PSMA1: variants seen among roughly 807,000 people sequenced by gnomAD.
PSMA1 encodes proteasome 20S subunit alpha 1.
Under a neutral mutation model 38.4 loss-of-function variants are expected in PSMA1, and 3 were observed. That is an observed-to-expected ratio of 0.08 (90% CI 0.04 to 0.20). The LOEUF is 0.20. Ranked by LOEUF, PSMA1 falls within the 10% of genes least tolerant of loss-of-function variation. The probability of loss-of-function intolerance (pLI) is 1.00; values close to 1 mark genes in which losing one functional copy is unlikely to be tolerated. For missense variants in PSMA1, 227 were observed against 325.3 expected, an observed-to-expected ratio of 0.70 and a Z score of 2.32; for synonymous variants, 101 against 107.1, an observed-to-expected ratio of 0.94 and a Z score of 0.35.
intron 2 of PSMA1, among the ~76,000 whole-genome samples, chr11:14,537,785 T>C (rs1455700705): frequency 6.6e-6 from 1 of 150,908 alleles, no homozygotes; most frequent in East Asian, 2.0e-4. Context: ...CTCAGCTCCC[T>C]GCAACTTCCA....
chr11:14,633,456 CA>C (rs1171434488), intron 1 of PSMA1, among the ~76,000 whole-genome samples: 3 of 151,942 alleles, frequency 2.0e-5, no homozygotes, highest in Admixed American at 6.6e-5. Context: ...GCTCGGGGGT[CA>C]GGGGTCAGGG....
chr11:14,547,587 A>G lies in PSMA1; in HGVS notation c.22-28546T>C, dbSNP rs575527986. Among the ~76,000 whole-genome samples, 4 of 152,258 alleles carry G rather than the reference A, an allele frequency of 2.6e-5. No individual in the cohort carries two copies. In the South Asian group the frequency reaches 8.3e-4, roughly 32 times the overall value. ...AGGGTCCAGAGCAAAATCATCATTCAGGATTCCAAGCCAAAGCAAGGTCAT... is the reference window on the plus strand; with the variant it reads ...AGGGTCCAGAGCAAAATCATCATTCGGGATTCCAAGCCAAAGCAAGGTCAT... On this transcript the variant is annotated intron_variant, in intron 2 of 10. Transcript: ENST00000418988.
intron 1 of PSMA1, among the ~76,000 whole-genome samples, chr11:14,637,262 G>C (rs1853122066): frequency 6.6e-6 from 1 of 152,084 alleles, no homozygotes; most frequent in Non-Finnish European, 1.5e-5. Context: ...ACTGTTCTTT[G>C]TATGGAATAC....
At chr11:14,518,050 A>C (rs555669735) in intron 2 of PSMA1, 69 bp from the exon 3 acceptor site, 2 of 1,175,676 alleles carry the variant, frequency 1.7e-6, no homozygotes, top group Non-Finnish European at 2.4e-6. Flanking sequence ...TAGGGTTTTC[A>C]AATATCAGGT....
In PSMA1 at chr11:14,513,445, AT is replaced by A. The variant is rs1851375702; in HGVS notation, c.544+124del. ...AAACAATAAACTCTTCATGGGCATA[AT>A]TTTTTTTAAAAAAATTCTTTCTATA... On this transcript the variant is annotated intron_variant, in intron 7 of 9. Coordinates refer to ENST00000396394, the MANE Select transcript of PSMA1 (RefSeq NM_002786.4). 9.1e-6 allele frequency: 10 copies of A among 1,102,268 alleles called. No individual in the cohort carries two copies. The South Asian group carries it at 2.2e-4, about 24-fold the overall frequency. 68.3% of individuals were successfully genotyped at this position (1,102,268 alleles called of 1,614,324 possible).
chr11:14,574,677 T>C (rs1852191466), intron 2 of PSMA1, among the ~76,000 whole-genome samples: 1 of 152,162 alleles, frequency 6.6e-6, no homozygotes. Flanking sequence ...TTTCCTGCTT[T>C]GGTCAGCACT....
At chr11:14,584,034 CGTGGCTAATGCCA>C in intron 2 of PSMA1, among the ~76,000 whole-genome samples, 1 of 152,254 alleles carries the variant, frequency 6.6e-6, no homozygotes, top group Middle Eastern at 3.4e-3. Context: ...CAAATAAGCA[CGTGGCTAATGCCA>C]GTCCATAAAG....
At chr11:14,569,117 G>A (rs904172267) in intron 2 of PSMA1, among the ~76,000 whole-genome samples, 16 of 152,208 alleles carry the variant, frequency 1.1e-4, no homozygotes, top group African/African-American at 3.9e-4. Context: ...CAGCCAGATT[G>A]AGTTTCTTCC....
intron 2 of PSMA1, among the ~76,000 whole-genome samples, chr11:14,564,872 G>T (rs1354098448): frequency 6.6e-6 from 1 of 151,230 alleles, no homozygotes; most frequent in Non-Finnish European, 1.5e-5. Context: ...CAACCTCCTA[G>T]GCTCAGGCCT....
At chr11:14,590,394 T>A (rs1482667173) in intron 2 of PSMA1, among the ~76,000 whole-genome samples, 1 of 152,168 alleles carries the variant, frequency 6.6e-6, no homozygotes, top group Non-Finnish European at 1.5e-5. Context: ...TTTGTTTGTT[T>A]GTTAGTTTTC....
At chr11:14,552,820 CT>C (rs34932699) in intron 2 of PSMA1, among the ~76,000 whole-genome samples, 27,268 of 121,882 alleles carry the variant, frequency 0.22, 2,354 homozygotes, top group African/African-American at 0.39. Context: ...GCTTATATAA[CT>C]TTTTTTTTTT....
intron 2 of PSMA1, among the ~76,000 whole-genome samples, chr11:14,570,769 G>C (rs1852129567): frequency 6.6e-6 from 1 of 152,190 alleles, no homozygotes; most frequent in Non-Finnish European, 1.5e-5. Context: ...AACCAAGTTG[G>C]AAAACACTCT....
chr11:14,637,602 T>C (rs1853126412), intron 1 of PSMA1, among the ~76,000 whole-genome samples: 1 of 152,222 alleles, frequency 6.6e-6, no homozygotes, highest in East Asian at 1.9e-4. Flanking sequence ...ATTTTTTTTT[T>C]CTGTTTCTCC....
At chr11:14,560,926 A>G (rs1852000483) in intron 2 of PSMA1, among the ~76,000 whole-genome samples, 1 of 152,252 alleles carries the variant, frequency 6.6e-6, no homozygotes, top group African/African-American at 2.4e-5. Flanking sequence ...GCATATAATC[A>G]TAGGTACATA....
chr11:14,606,191 C>T (rs375414972), intron 2 of PSMA1, among the ~76,000 whole-genome samples: 202 of 152,266 alleles, frequency 1.3e-3, no homozygotes, highest in South Asian at 6.2e-3. Context: ...TGGCTATAAG[C>T]GTGCAGCTTT....
intron 2 of PSMA1, 31 bp downstream of exon 2, chr11:14,518,966 T>C: frequency 1.0e-5 from 16 of 1,526,136 alleles, no homozygotes; most frequent in Non-Finnish European, 1.4e-5. Flanking sequence ...AAAAGCCACT[T>C]CACAGAAAAG....
At chr11:14,515,458 A>G (rs74589503) in intron 4 of PSMA1, among the ~76,000 whole-genome samples, 6,481 of 152,262 alleles carry the variant, frequency 0.043, 130 homozygotes, top group African/African-American at 0.051. Flanking sequence ...GTTTGATAAT[A>G]TAATACATTT....
chr11:14,528,106 A>AG (rs1392431350), intron 2 of PSMA1, among the ~76,000 whole-genome samples: 2 of 152,100 alleles, frequency 1.3e-5, no homozygotes, highest in African/African-American at 4.8e-5. Context: ...CTACTAAAAA[A>AG]AAAAAGGGGG....
At chr11:14,609,566 A>T (rs779533192) in intron 2 of PSMA1, among the ~76,000 whole-genome samples, 15 of 152,176 alleles carry the variant, frequency 9.9e-5, no homozygotes, top group South Asian at 2.1e-4. Flanking sequence ...AGCCAGGGAG[A>T]CTATTTTGAA....
Sources: allele counts gnomAD v4.1 joint callset (sites outside exome capture counted in the v4.1 genomes callset), GRCh38; gene constraint gnomAD v4.1.1; transcripts MANE v1.5; gene names NCBI Gene and HGNC (gene_info 2026-07-23, HGNC 2026-07-21).